The following ANO3 variants were observed in gnomAD, a reference collection of about 807,000 sequenced individuals.
ANO3 encodes anoctamin-3.
A neutral mutation model predicts 144.8 loss-of-function variants in ANO3; 99 were observed. The ratio of observed to expected loss-of-function variants is 0.68; its 90% CI spans 0.58 to 0.81. ANO3 has a LOEUF of 0.81. Among genes scored for constraint, ANO3 ranks in the 30% least tolerant of loss-of-function variants. The pLI, the probability that ANO3 is intolerant of heterozygous loss-of-function variation, is 0.00. For synonymous variants in ANO3, 414 were observed against 392.6 expected, an observed-to-expected ratio of 1.05 and a Z score of -0.64; for missense variants, 905 against 1,202.2, an observed-to-expected ratio of 0.75 and a Z score of 3.66.
Position 26,423,350 on chromosome 11 carries a change from C to T in ANO3, c.47-18568C>T, listed in dbSNP as rs117014366. Among the ~76,000 whole-genome samples the T allele has an allele frequency of 6.2e-3, 851 of 137,500 alleles. 3 individuals carry two copies. The highest frequency in any genetic ancestry group is 9.4e-3 in the Admixed American group (116 of 12,388). 90.2% of individuals were successfully genotyped at this position (137,500 alleles called of 152,430 possible). On this transcript the variant is annotated intron_variant, in intron 1 of 26. Transcript: ENST00000256737. ...TTTAACAATTTGTGCATCTACTTCC[C>T]CTGTGAATAAGCACTATTTTACAAC... is the stretch of plus-strand genomic sequence containing the variant.
At chr11:26,207,742 G>A (rs144703411) in intron 1 of ANO3, among the ~76,000 whole-genome samples, 6 of 86,104 alleles carry the variant, frequency 7.0e-5, no homozygotes, top group South Asian at 3.8e-4. Context: ...AAAACTGACC[G>A]TAGTACATTT....
chr11:26,296,875 T>C (rs1854102642), intron 1 of ANO3, among the ~76,000 whole-genome samples: 1 of 152,142 alleles, frequency 6.6e-6, no homozygotes, highest in African/African-American at 2.4e-5. Context: ...AGCCTTTGAG[T>C]ATCAGGAACT....
chr11:26,404,135 T>A (rs1332845657), intron 1 of ANO3, among the ~76,000 whole-genome samples: 2 of 151,892 alleles, frequency 1.3e-5, no homozygotes, highest in Non-Finnish European at 2.9e-5. Context: ...GTATTGCTCA[T>A]CCTCTTGATA....
At chr11:26,290,810 G>A (rs1853939120) in intron 1 of ANO3, among the ~76,000 whole-genome samples, 1 of 152,164 alleles carries the variant, frequency 6.6e-6, no homozygotes, top group Admixed American at 6.5e-5. Flanking sequence ...TACATTTGGT[G>A]AGGAGTGCTT....
At chr11:26,642,346 T>C (rs1199270947) in intron 22 of ANO3, among the ~76,000 whole-genome samples, 11 of 34,066 alleles carry the variant, frequency 3.2e-4, no homozygotes, top group Admixed American at 4.6e-4. Context: ...TTCTTTCTTT[T>C]TTTTTTTTTT....
intron 5 of ANO3, among the ~76,000 whole-genome samples, chr11:26,512,645 T>C (rs1263240608): frequency 1.8e-4 from 28 of 152,244 alleles, no homozygotes; most frequent in Admixed American, 1.8e-3. Context: ...AGAAATATTA[T>C]GTGTGTGCAC....
chr11:26,360,257 T>C (rs1362553103), intron 1 of ANO3, among the ~76,000 whole-genome samples: 1 of 148,068 alleles, frequency 6.8e-6, no homozygotes, highest in East Asian at 2.1e-4. Flanking sequence ...GTTTTCCCTC[T>C]GTCTTTCACT....
At chr11:26,478,873 T>A (rs2131697) in intron 4 of ANO3, among the ~76,000 whole-genome samples, 28,733 of 152,110 alleles carry the variant, frequency 0.19, 2,946 homozygotes, top group South Asian at 0.32. Context: ...TGCTTCTGTC[T>A]TCAGGCTATA....
intron 17 of ANO3, among the ~76,000 whole-genome samples, chr11:26,620,163 T>C (rs1590640305): frequency 6.6e-6 from 1 of 152,334 alleles, no homozygotes; most frequent in East Asian, 1.9e-4. Flanking sequence ...AAAAGTGGCA[T>C]GGTACTATTG....
intron 1 of ANO3, among the ~76,000 whole-genome samples, chr11:26,236,634 C>T (rs1329156408): frequency 9.2e-5 from 14 of 152,006 alleles, no homozygotes; most frequent in South Asian, 6.2e-4. Flanking sequence ...CTGGCTAACA[C>T]AGTGAAACCC....
chr11:26,408,981 G>T (rs75482601), intron 1 of ANO3, among the ~76,000 whole-genome samples: 3 of 151,480 alleles, frequency 2.0e-5, no homozygotes, highest in East Asian at 2.0e-4. Context: ...GTTGTGGGGT[G>T]GGGGGAGTGG....
At chr11:26,317,866 C>T (rs1854663391) in intron 1 of ANO3, among the ~76,000 whole-genome samples, 2 of 152,174 alleles carry the variant, frequency 1.3e-5, no homozygotes, top group Non-Finnish European at 2.9e-5. Context: ...CCCAAATGCC[C>T]ATCAATGATA....
chr11:26,222,832 A>T (rs1852176262), intron 1 of ANO3, among the ~76,000 whole-genome samples: 1 of 152,120 alleles, frequency 6.6e-6, no homozygotes, highest in Non-Finnish European at 1.5e-5. Flanking sequence ...AGGGTGGTGT[A>T]GGGCAGTGGG....
chr11:26,567,541 G>A (rs1850639428), intron 14 of ANO3, among the ~76,000 whole-genome samples: 1 of 151,814 alleles, frequency 6.6e-6, no homozygotes, highest in African/African-American at 2.4e-5. Context: ...TCTCACATGT[G>A]GTACAACGTA....
intron 4 of ANO3, among the ~76,000 whole-genome samples, chr11:26,503,948 A>G (rs1861302429): frequency 1.3e-5 from 2 of 152,120 alleles, no homozygotes; most frequent in Admixed American, 1.3e-4. Context: ...AGGTCTTCTC[A>G]TTGAACAACA....
chr11:26,604,782 C>T (rs746362467), intron 17 of ANO3, among the ~76,000 whole-genome samples: 4 of 152,134 alleles, frequency 2.6e-5, no homozygotes, highest in Non-Finnish European at 5.9e-5. Context: ...TAAGACTTTG[C>T]TGAAGTTGCT....
At chr11:26,520,630 G>T (rs1469215320) in intron 6 of ANO3, among the ~76,000 whole-genome samples, 2 of 152,016 alleles carry the variant, frequency 1.3e-5, no homozygotes, top group African/African-American at 4.8e-5. Flanking sequence ...GACCAAATTT[G>T]TTTCTGAACT....
chr11:26,531,263 G>C lies in ANO3; in HGVS notation c.796G>C (p.Asp266His), dbSNP rs1177823153. Residue 266 changes from aspartate (D) to histidine (H), a missense_variant, in exon 8 of 27, where the codon GAC (aspartate) becomes CAC (histidine). Transcript: ENST00000256737. ...NWMAQNPMVL[D>H]KSAFPDLEES... ...GATGGCCCAAAACCCAATGGTTCTT[G>C]ACAAGTCAGCTTTTCCAGACCTAGA... 6.2e-7 allele frequency: 1 copy of C among 1,614,072 alleles called. No individual in the cohort carries two copies. The highest frequency in any genetic ancestry group is 1.3e-5 in the African/African-American group (1 of 75,022).
chr11:26,431,902 T>G (rs1394141295), intron 1 of ANO3, among the ~76,000 whole-genome samples: 1 of 152,208 alleles, frequency 6.6e-6, no homozygotes, highest in Non-Finnish European at 1.5e-5. Context: ...ATGATTTATA[T>G]TCTTTTGGGT....
Sources: allele counts gnomAD v4.1 joint callset (sites outside exome capture counted in the v4.1 genomes callset), GRCh38; gene constraint gnomAD v4.1.1; transcripts MANE v1.5; gene names NCBI Gene and HGNC (gene_info 2026-07-23, HGNC 2026-07-21).